Variants in STARD13 observed in about 807,000 individuals in gnomAD.
STARD13 encodes StAR related lipid transfer domain containing 13, also known as stAR-related lipid transfer protein 13.
A neutral mutation model predicts 106.4 loss-of-function variants in STARD13; 62 were observed. The ratio of observed to expected loss-of-function variants is 0.58; its 90% CI spans 0.48 to 0.72. The LOEUF (loss-of-function observed/expected upper bound fraction) is 0.72. Ranked by LOEUF, STARD13 falls within the 30% of genes least tolerant of loss-of-function variation. The probability of loss-of-function intolerance (pLI) is 0.00; values close to 1 mark genes in which losing one functional copy is unlikely to be tolerated. For synonymous variants in STARD13, 565 were observed against 553.0 expected (o/e 1.02, Z -0.31); for missense variants, 1,387 against 1,424.0 (o/e 0.97, Z 0.42).
the STARD13 span, among the ~76,000 whole-genome samples, chr13:33,516,139 T>C: frequency 6.8e-6 from 1 of 148,076 alleles, no homozygotes; most frequent in Non-Finnish European, 1.5e-5. Flanking sequence ...AGAAGTGTTA[T>C]ATATAATTTA....
chr13:33,514,055 G>C, the STARD13 span, among the ~76,000 whole-genome samples: 2 of 152,128 alleles, frequency 1.3e-5, no homozygotes, highest in Non-Finnish European at 2.9e-5. Context: ...AATTAACTAA[G>C]TTAACCCATT....
At chr13:33,563,991 A>T in the STARD13 span, among the ~76,000 whole-genome samples, 2 of 146,800 alleles carry the variant, frequency 1.4e-5, no homozygotes, top group African/African-American at 2.5e-5. Context: ...CAGGAGTTTA[A>T]TACCAGCCTG....
At chr13:33,329,211 T>C (rs2077809393) in intron 1 of STARD13, among the ~76,000 whole-genome samples, 1 of 152,190 alleles carries the variant, frequency 6.6e-6, no homozygotes, top group South Asian at 2.1e-4. Flanking sequence ...AAAATCATTC[T>C]GTAAATATAC....
the STARD13 span, among the ~76,000 whole-genome samples, chr13:33,404,770 G>A: frequency 6.6e-6 from 1 of 151,038 alleles, no homozygotes; most frequent in Admixed American, 6.6e-5. Flanking sequence ...ATCACCTCTG[G>A]GACTTTTTTT....
chr13:33,108,438 C>G (rs894035536), intron 12 of STARD13, among the ~76,000 whole-genome samples: 4 of 151,386 alleles, frequency 2.6e-5, no homozygotes, highest in Non-Finnish European at 2.9e-5. Context: ...ATCAGTGCAG[C>G]AAGACCCCGC....
the STARD13 span, among the ~76,000 whole-genome samples, chr13:33,468,999 C>T: frequency 1.3e-5 from 2 of 152,174 alleles, no homozygotes; most frequent in African/African-American, 4.8e-5. Context: ...TGAGCCACTA[C>T]TAACTAACAA....
the STARD13 span, among the ~76,000 whole-genome samples, chr13:33,545,754 G>A: frequency 1.2e-4 from 19 of 152,156 alleles, no homozygotes; most frequent in African/African-American, 4.6e-4. Context: ...TTGCTGCTTT[G>A]TCTTGCTTCC....
chr13:33,126,018 T>C, intron 7 of STARD13, 63 bp downstream of exon 7: 1 of 1,571,830 alleles, frequency 6.4e-7, no homozygotes, highest in East Asian at 2.3e-5. Context: ...CAGTCTGACA[T>C]CCCCTCAATC....
intron 1 of STARD13, among the ~76,000 whole-genome samples, chr13:33,219,063 A>G (rs1036786195): frequency 1.3e-5 from 2 of 152,180 alleles, no homozygotes; most frequent in Non-Finnish European, 2.9e-5. Flanking sequence ...TGTTTACTAT[A>G]TCTATTGTGA....
intron 1 of STARD13, among the ~76,000 whole-genome samples, chr13:33,198,100 G>A (rs936427743): frequency 5.3e-5 from 8 of 152,152 alleles, no homozygotes; most frequent in African/African-American, 9.7e-5. Context: ...CCCAGGAGGC[G>A]GAGGTTGCAG....
At chr13:33,203,185 C>T (rs981259646) in intron 1 of STARD13, among the ~76,000 whole-genome samples, 1 of 152,150 alleles carries the variant, frequency 6.6e-6, no homozygotes, top group Non-Finnish European at 1.5e-5. Context: ...ATTCTAGGGG[C>T]CACCACACAC....
the STARD13 span, among the ~76,000 whole-genome samples, chr13:33,397,510 G>T: frequency 6.6e-6 from 1 of 152,192 alleles, no homozygotes; most frequent in Non-Finnish European, 1.5e-5. Flanking sequence ...CATATCTTCT[G>T]CCAACATCTT....
intron 1 of STARD13, among the ~76,000 whole-genome samples, chr13:33,295,708 G>T (rs569349880): frequency 3.9e-5 from 6 of 152,274 alleles, no homozygotes; most frequent in South Asian, 4.2e-4. Flanking sequence ...GGTGCCCGGG[G>T]GGGGCAGAGG....
At chr13:33,391,972 T>G in the STARD13 span, among the ~76,000 whole-genome samples, 1 of 152,202 alleles carries the variant, frequency 6.6e-6, no homozygotes, top group Non-Finnish European at 1.5e-5. Flanking sequence ...TAGAATATTA[T>G]TGCTGCAGAG....
At chr13:33,650,434 C>T in the STARD13 span, among the ~76,000 whole-genome samples, 7 of 151,650 alleles carry the variant, frequency 4.6e-5, no homozygotes, top group Admixed American at 4.6e-4. Flanking sequence ...TCGTGATCCG[C>T]CCGCCTCGGC....
chr13:33,248,182 T>C (rs1889925347), intron 1 of STARD13, among the ~76,000 whole-genome samples: 1 of 152,064 alleles, frequency 6.6e-6, no homozygotes, highest in Non-Finnish European at 1.5e-5. Context: ...GGAGGATTGC[T>C]TGAGTCCAGG....
chr13:33,504,818 T>C, the STARD13 span, among the ~76,000 whole-genome samples: 4 of 152,156 alleles, frequency 2.6e-5, no homozygotes, highest in African/African-American at 7.2e-5. Flanking sequence ...GCAGGGATTA[T>C]ACGCCTGAGC....
chr13:33,650,834 C>T, the STARD13 span, among the ~76,000 whole-genome samples: 3 of 152,264 alleles, frequency 2.0e-5, no homozygotes, highest in Non-Finnish European at 4.4e-5. Context: ...CTCCAGAGCC[C>T]GCTTTCTGCC....
chr13:33,571,245 T>C, the STARD13 span, among the ~76,000 whole-genome samples: 3 of 152,194 alleles, frequency 2.0e-5, no homozygotes, highest in South Asian at 6.2e-4. Flanking sequence ...TTATTTTAAG[T>C]TGGCTTGGCA....
Sources: gnomAD v4.1 joint callset for allele counts (sites outside exome capture counted in the v4.1 genomes callset) on GRCh38, gnomAD v4.1.1 for gene constraint, MANE v1.5 for transcripts, NCBI Gene and HGNC (gene_info 2026-07-23, HGNC 2026-07-21) for gene names.